ANKRD28: variants seen among roughly 807,000 people sequenced by gnomAD.
ANKRD28 encodes the protein ankyrin repeat domain 28.
ANKRD28 carries 44 observed loss-of-function variants against 126.5 expected under a neutral mutation model. The ratio of observed to expected loss-of-function variants is 0.35; its 90% CI spans 0.27 to 0.45. The LOEUF (loss-of-function observed/expected upper bound fraction) is 0.45. Among genes scored for constraint, ANKRD28 ranks in the 20% least tolerant of loss-of-function variants. ANKRD28 has a pLI of 1.00. For missense variants in ANKRD28, 1,110 were observed against 1,316.6 expected (o/e 0.84, Z 2.43); for synonymous variants, 442 against 468.5 (o/e 0.94, Z 0.73).
intron 2 of ANKRD28, among the ~76,000 whole-genome samples, chr3:15,791,304 C>T (rs2060012052): frequency 6.6e-6 from 1 of 151,400 alleles, no homozygotes; most frequent in Non-Finnish European, 1.5e-5. Context: ...CCAGAATAGC[C>T]AAAGCCACCC....
chr3:15,831,841 C>A (rs1575787850), intron 1 of ANKRD28, among the ~76,000 whole-genome samples: 1 of 152,160 alleles, frequency 6.6e-6, no homozygotes, highest in African/African-American at 2.4e-5. Context: ...GAAGGAGAAG[C>A]CTCTAACAAT....
chr3:15,805,474 G>T (rs1160342318), intron 1 of ANKRD28, among the ~76,000 whole-genome samples: 2 of 152,116 alleles, frequency 1.3e-5, no homozygotes, highest in Non-Finnish European at 2.9e-5. Context: ...GTGATGAGTA[G>T]TATCTCTGAC....
At chr3:15,679,727 T>C (rs1241419885) in intron 21 of ANKRD28, among the ~76,000 whole-genome samples, 164 bp from the exon 22 acceptor site, 2 of 152,178 alleles carry the variant, frequency 1.3e-5, no homozygotes, top group East Asian at 1.9e-4. Context: ...AAGCCACCAG[T>C]AGTTCCTGAA....
intron 1 of ANKRD28, among the ~76,000 whole-genome samples, chr3:15,831,105 C>T (rs758083269): frequency 7.9e-5 from 12 of 152,194 alleles, no homozygotes; most frequent in Middle Eastern, 6.8e-3. Flanking sequence ...GGTTTTAATC[C>T]GTATTCTTTT....
Position 15,745,151 on chromosome 3 carries a change from T to C in ANKRD28, c.351+6599A>G, listed in dbSNP as rs114454913. ...GGATATTACTCCTTTGTTAGGTGTA[T>C]AGATTGCAAAGATTTTCTCCTACTC... On this transcript the variant is annotated intron_variant, in intron 4 of 27. Coordinates refer to ENST00000683139, the MANE Select transcript of ANKRD28 (RefSeq NM_001349278.2). Among the ~76,000 whole-genome samples, 707 of 152,338 alleles carry C rather than the reference T, an allele frequency of 4.6e-3. 4 individuals carry two copies. Among genetic ancestry groups the C allele is most frequent in the African/African-American group, 0.015 (617 of 41,578 alleles).
chr3:15,742,760 C>T, intron 4 of ANKRD28, among the ~76,000 whole-genome samples: 1 of 127,498 alleles, frequency 7.8e-6, no homozygotes, highest in East Asian at 2.6e-4. Context: ...GTGAGGGGGT[C>T]AGCCCCCCGC....
At chr3:15,742,594 C>T (rs1482854212) in intron 4 of ANKRD28, among the ~76,000 whole-genome samples, 28 of 34,028 alleles carry the variant, frequency 8.2e-4, no homozygotes, top group South Asian at 1.4e-3. Flanking sequence ...CCACCCCATC[C>T]GGGAGGGAGG....
Position 15,812,592 on chromosome 3 carries a change from GT to G in ANKRD28, c.28-17287del, listed in dbSNP as rs2125888712. ...TATATTAAGTTGGCATTTCGTTGTT[GT>G]TTTTCTGTCTTGCTTACCAATTATC... On this transcript the variant is annotated intron_variant, in intron 1 of 27. Coordinates refer to the ANKRD28 transcript ENST00000399451. The surrounding 1 kb of genome is among the most constrained non-coding windows in gnomAD (Gnocchi z 4.1). Among the ~76,000 whole-genome samples, 1 of 152,244 alleles carries G rather than the reference GT, an allele frequency of 6.6e-6. No homozygotes were observed. Among genetic ancestry groups the G allele is most frequent in the East Asian group, 1.9e-4 (1 of 5,184 alleles).
chr3:15,685,155 C>A, intron 21 of ANKRD28, 71 bp downstream of exon 21: 1 of 1,532,550 alleles, frequency 6.5e-7, no homozygotes, highest in South Asian at 1.1e-5. Context: ...TTAAAATTTG[C>A]CTTATAAATA....
chr3:15,721,347 A>T (rs1482667915), intron 7 of ANKRD28, among the ~76,000 whole-genome samples: 1 of 152,218 alleles, frequency 6.6e-6, no homozygotes, highest in Non-Finnish European at 1.5e-5. Context: ...CAGGGAATAT[A>T]ATTCACATAC....
At chr3:15,805,407 T>C (rs544186468) in intron 1 of ANKRD28, among the ~76,000 whole-genome samples, 14 of 152,310 alleles carry the variant, frequency 9.2e-5, no homozygotes, top group Admixed American at 9.2e-4. Context: ...TTTAAAGTTG[T>C]GATACTTTTT....
chr3:15,855,205 T>C (rs2061738742), intron 1 of ANKRD28, among the ~76,000 whole-genome samples: 3 of 152,182 alleles, frequency 2.0e-5, no homozygotes, highest in Non-Finnish European at 4.4e-5. Context: ...GTGTGTTTTT[T>C]CCCCTCAAAC....
At chr3:15,836,977 G>C (rs931574565) in intron 1 of ANKRD28, among the ~76,000 whole-genome samples, 5 of 151,772 alleles carry the variant, frequency 3.3e-5, no homozygotes, top group African/African-American at 1.2e-4. Context: ...GCGGGCGCCT[G>C]TAGTCCTTGC....
At chr3:15,859,289 C>CT (rs911688153) in intron 1 of ANKRD28, 1 of 1,489,048 alleles carries the variant, frequency 6.7e-7, no homozygotes, top group Non-Finnish European at 8.9e-7. Flanking sequence ...CCCCGCCGAG[C>CT]GGGCGTCCCA....
At chr3:15,723,134 C>T (rs2073897032) in intron 7 of ANKRD28, among the ~76,000 whole-genome samples, 1 of 152,142 alleles carries the variant, frequency 6.6e-6, no homozygotes, top group South Asian at 2.1e-4. Flanking sequence ...TTATCTAGAT[C>T]AAGGGTCTTT....
chr3:15,802,150 T>C (rs777216218), upstream of ANKRD28, among the ~76,000 whole-genome samples: 4 of 152,304 alleles, frequency 2.6e-5, no homozygotes, highest in East Asian at 3.9e-4. Context: ...ATGAAAAAGT[T>C]TGACCAAAAT....
At chr3:15,699,222 C>T (rs1559360659) in intron 14 of ANKRD28, among the ~76,000 whole-genome samples, 1 of 152,154 alleles carries the variant, frequency 6.6e-6, no homozygotes, top group Admixed American at 6.5e-5. Flanking sequence ...CTTCCTTACA[C>T]TATATACAAA....
chr3:15,736,835 A>G (rs1382108264), intron 5 of ANKRD28, among the ~76,000 whole-genome samples, 198 bp downstream of exon 5: 2 of 152,230 alleles, frequency 1.3e-5, no homozygotes, highest in African/African-American at 2.4e-5. Flanking sequence ...CTTGGTCACC[A>G]CAGGTTAACT....
chr3:15,793,047 C>T (rs1198738010), intron 2 of ANKRD28, among the ~76,000 whole-genome samples: 2 of 152,050 alleles, frequency 1.3e-5, no homozygotes, highest in Non-Finnish European at 2.9e-5. Flanking sequence ...ATAAAAACAA[C>T]TTCAAAAAAC....
Sources: gnomAD v4.1 joint callset for allele counts (sites outside exome capture counted in the v4.1 genomes callset) on GRCh38, gnomAD v4.1.1 for gene constraint, Gnocchi (gnomAD v3.1) non-coding constraint, MANE v1.5 for transcripts, NCBI Gene and HGNC (gene_info 2026-07-23, HGNC 2026-07-21) for gene names.